The following PTPRJ variants were observed in gnomAD, a reference collection of about 807,000 sequenced individuals.
PTPRJ encodes the protein receptor-type tyrosine-protein phosphatase eta.
Under a neutral mutation model 141.3 loss-of-function variants are expected in PTPRJ, and 129 were observed. The ratio of observed to expected loss-of-function variants is 0.91; its 90% CI spans 0.79 to 1.06. The LOEUF is 1.06. Among genes scored for constraint, PTPRJ ranks in the 50% least tolerant of loss-of-function variants. The pLI is 0.00. For synonymous variants in PTPRJ, 610 were observed against 640.5 expected, an observed-to-expected ratio of 0.95 and a Z score of 0.72; for missense variants, 1,601 against 1,679.7, an observed-to-expected ratio of 0.95 and a Z score of 0.82.
At chr11:48,131,209 A>G (rs1215270735) in intron 8 of PTPRJ, among the ~76,000 whole-genome samples, 1 of 149,902 alleles carries the variant, frequency 6.7e-6, no homozygotes, top group African/African-American at 2.5e-5. Flanking sequence ...CAGCCTCCTG[A>G]GTAATTGGAA....
At chr11:48,082,730 G>A (rs940741478) in intron 1 of PTPRJ, among the ~76,000 whole-genome samples, 1 of 151,640 alleles carries the variant, frequency 6.6e-6, no homozygotes, top group Non-Finnish European at 1.5e-5. Context: ...CTCTTTACAT[G>A]GTGGAATATC....
intron 1 of PTPRJ, among the ~76,000 whole-genome samples, chr11:48,076,456 T>A (rs373772701): frequency 1.7e-4 from 26 of 152,344 alleles, no homozygotes; most frequent in African/African-American, 6.3e-4. Context: ...TTACTCTGGA[T>A]AAGGGATGAA....
At chr11:48,041,151 C>T (rs965475346) in intron 1 of PTPRJ, among the ~76,000 whole-genome samples, 8 of 151,930 alleles carry the variant, frequency 5.3e-5, no homozygotes, top group African/African-American at 1.7e-4. Context: ...ATGTCTCCCT[C>T]GCAACTAGAT....
At chr11:47,999,863 C>CTTCTTCTTTTTTTTTT in intron 1 of PTPRJ, among the ~76,000 whole-genome samples, 1 of 136,276 alleles carries the variant, frequency 7.3e-6, no homozygotes, top group South Asian at 2.2e-4. Flanking sequence ...CGAGATTCTT[C>CTTCTTCTTTTTTTTTT]TTTTTTTTTT....
At chr11:48,019,761 C>G (rs931271118) in intron 1 of PTPRJ, among the ~76,000 whole-genome samples, 6 of 152,266 alleles carry the variant, frequency 3.9e-5, no homozygotes, top group African/African-American at 1.4e-4. Flanking sequence ...GAGATTAAGG[C>G]AGTTCTTTAG....
At chr11:48,147,435 T>C (rs1223436716) in intron 15 of PTPRJ, among the ~76,000 whole-genome samples, 1 of 152,198 alleles carries the variant, frequency 6.6e-6, no homozygotes, top group Admixed American at 6.5e-5. Flanking sequence ...TGTATGCTAT[T>C]ACTATTATTT....
At chr11:48,029,126 A>G (rs1194359253) in intron 1 of PTPRJ, among the ~76,000 whole-genome samples, 1 of 152,160 alleles carries the variant, frequency 6.6e-6, no homozygotes, top group Non-Finnish European at 1.5e-5. Flanking sequence ...TGCTGCCGGG[A>G]GTGCAGTGGA....
chr11:48,089,177 G>T (rs2134295806), intron 1 of PTPRJ, among the ~76,000 whole-genome samples: 1 of 152,298 alleles, frequency 6.6e-6, no homozygotes, highest in Non-Finnish European at 1.5e-5. Context: ...AATTGTAAAA[G>T]GAAGCTATGT....
rs1266626491 is a variant in PTPRJ at position 48,168,931 on chromosome 11, A to C, written c.*1569A>C. 1 of 152,102 alleles carries C rather than the reference A, an allele frequency of 6.6e-6. No homozygotes were observed. The highest frequency in any genetic ancestry group is 1.5e-5 in the Non-Finnish European group (1 of 68,030). 9.4% of individuals were successfully genotyped at this position (152,102 alleles called of 1,614,324 possible). Reference sequence around the variant, plus strand: ...TGAAGTTGACAAGGTTTTATGAAGGAATAACCAAGTCCCTGGAGTCCTGTG... The same window carrying C: ...TGAAGTTGACAAGGTTTTATGAAGGCATAACCAAGTCCCTGGAGTCCTGTG... On this transcript the variant is annotated 3_prime_UTR_variant, in exon 25 of 25. Coordinates refer to ENST00000418331, the MANE Select transcript of PTPRJ (RefSeq NM_002843.4).
At position 48,155,825 on chromosome 11, in the gene PTPRJ, C is replaced by A. The variant is rs140874449; in HGVS notation, c.3254C>A (p.Ser1085Ter). The A allele has an allele frequency of 6.2e-7, 1 of 1,605,230 alleles. No individual in the cohort carries two copies. Among genetic ancestry groups the A allele is most frequent in the Admixed American group, 1.7e-5 (1 of 59,450 alleles). Reference sequence around the variant, plus strand: ...GATGATATTTCCCGTGTCAAACTTTCGGTCCAGACCCATTCAACGGATGAC... The same window carrying A: ...GATGATATTTCCCGTGTCAAACTTTAGGTCCAGACCCATTCAACGGATGAC... ...LPYDISRVKL[S>*]VQTHSTDDYI... Residue 1085 changes from serine to a stop codon, truncating the protein, a stop_gained, in exon 20 of 25, where the codon TCG (serine) becomes TAG (stop). Coordinates refer to ENST00000418331, the MANE Select transcript of PTPRJ (RefSeq NM_002843.4). LOFTEE classifies it high-confidence loss of function.
intron 1 of PTPRJ, among the ~76,000 whole-genome samples, chr11:48,041,941 G>GC (rs1854280934): frequency 7.1e-6 from 1 of 141,572 alleles, no homozygotes; most frequent in Non-Finnish European, 1.5e-5. Flanking sequence ...AATTTTAGGT[G>GC]CTTGGGCCCT....
At chr11:48,066,589 ATTATT>A (rs1855090363) in intron 1 of PTPRJ, among the ~76,000 whole-genome samples, 2 of 136,850 alleles carry the variant, frequency 1.5e-5, no homozygotes, top group South Asian at 4.5e-4. Flanking sequence ...TATTATTATT[ATTATT>A]ATTATTATTG....
intron 1 of PTPRJ, among the ~76,000 whole-genome samples, chr11:48,040,285 G>C (rs12275949): frequency 6.6e-6 from 1 of 152,184 alleles, no homozygotes; most frequent in Non-Finnish European, 1.5e-5. Context: ...CTGTGTGCGC[G>C]CACATGCGTG....
intron 1 of PTPRJ, among the ~76,000 whole-genome samples, chr11:48,077,041 A>G (rs932751658): frequency 2.6e-5 from 4 of 151,906 alleles, no homozygotes; most frequent in African/African-American, 9.7e-5. Flanking sequence ...CTAATTTTGT[A>G]TTTTAGTAGA....
intron 1 of PTPRJ, among the ~76,000 whole-genome samples, chr11:48,025,826 CT>C (rs1853792546): frequency 2.6e-5 from 4 of 152,242 alleles, no homozygotes; most frequent in Admixed American, 2.6e-4. Context: ...TTCCCTCCCC[CT>C]GAATCCCTCC....
chr11:48,125,439 G>A lies in PTPRJ; in HGVS notation c.1093+253G>A, dbSNP rs116129514. Among the ~76,000 whole-genome samples the A allele has an allele frequency of 3.2e-3, 482 of 152,308 alleles. 3 individuals are homozygous for A. The highest frequency in any genetic ancestry group is 0.011 in the African/African-American group (463 of 41,564). ...GTGCGGGCACCAGGCACTGCCTCAC[G>A]CCATCTTTCACAGCTTTGCGTGGTG... On this transcript the variant is annotated intron_variant, in intron 6 of 24. Coordinates refer to ENST00000418331, the MANE Select transcript of PTPRJ (RefSeq NM_002843.4).
At chr11:48,098,813 C>CAT (rs1856081954) in intron 1 of PTPRJ, among the ~76,000 whole-genome samples, 2 of 15,874 alleles carry the variant, frequency 1.3e-4, no homozygotes, top group Non-Finnish European at 6.8e-4. Context: ...GCCACCGCGC[C>CAT]CGGCCTTTAT....
chr11:48,153,859 A>G lies in PTPRJ; in HGVS notation c.3202A>G (p.Lys1068Glu). The change falls in exon 19 of 25, where the codon AAG becomes GAG. Residue 1068 changes from lysine to glutamate, a missense_variant. Coordinates refer to ENST00000418331, the MANE Select transcript of PTPRJ (RefSeq NM_002843.4). ...YAAELAENRG[K>E]NRYNNVLPYD... Reference sequence around the variant, plus strand: ...AGCAGAACTGGCTGAGAATAGAGGAAAGAATCGCTATAATAATGTTCTGCC... The same window carrying G: ...AGCAGAACTGGCTGAGAATAGAGGAGAGAATCGCTATAATAATGTTCTGCC... 6.2e-7 allele frequency: 1 copy of G among 1,613,310 alleles called. No homozygotes were observed. Among genetic ancestry groups the G allele is most frequent in the Non-Finnish European group, 8.5e-7 (1 of 1,179,242 alleles).
chr11:48,076,428 A>G (rs767391774), intron 1 of PTPRJ, among the ~76,000 whole-genome samples: 6 of 152,234 alleles, frequency 3.9e-5, no homozygotes, highest in Non-Finnish European at 7.3e-5. Flanking sequence ...ATATACGTAG[A>G]ATCAAGTTGG....
Sources: allele counts gnomAD v4.1 joint callset (sites outside exome capture counted in the v4.1 genomes callset), GRCh38; gene constraint gnomAD v4.1.1; transcripts MANE v1.5; gene names NCBI Gene and HGNC (gene_info 2026-07-23, HGNC 2026-07-21).